DISP1: variants seen among roughly 807,000 people sequenced by gnomAD.
DISP1 encodes the protein dispatched RND transporter family member 1, also known as protein dispatched homolog 1.
A neutral mutation model predicts 37.3 loss-of-function variants in DISP1; 30 were observed. That is an observed-to-expected ratio of 0.80 (90% confidence interval 0.60 to 1.09). DISP1 has a LOEUF of 1.09. Ranked by LOEUF, DISP1 falls within the 50% of genes least tolerant of loss-of-function variation. DISP1 has a pLI of 0.00. For missense variants in DISP1, 1,598 were observed against 1,879.5 expected, an observed-to-expected ratio of 0.85 and a Z score of 2.77; for synonymous variants, 634 against 690.2, an observed-to-expected ratio of 0.92 and a Z score of 1.28.
At chr1:222,984,477 T>G (rs541137873) in intron 4 of DISP1, among the ~76,000 whole-genome samples, 12 of 146,114 alleles carry the variant, frequency 8.2e-5, no homozygotes, top group Non-Finnish European at 1.6e-4. Context: ...ATATATGTTA[T>G]ATATAACATA....
intron 1 of DISP1, among the ~76,000 whole-genome samples, chr1:222,908,338 T>G (rs900431009): frequency 4.3e-5 from 6 of 140,602 alleles, no homozygotes; most frequent in Middle Eastern, 7.0e-3. Flanking sequence ...GGTGACAGAG[T>G]GAGACCCTTA....
At chr1:222,939,142 C>T (rs1341021790) in intron 2 of DISP1, among the ~76,000 whole-genome samples, 3 of 152,062 alleles carry the variant, frequency 2.0e-5, no homozygotes, top group African/African-American at 4.8e-5. Context: ...TCCCAAGTTA[C>T]AAAATAGGTT....
intron 1 of DISP1, among the ~76,000 whole-genome samples, chr1:222,843,922 A>G (rs1274870335): frequency 6.6e-6 from 1 of 152,086 alleles, no homozygotes; most frequent in Non-Finnish European, 1.5e-5. Flanking sequence ...CTGAAGATAT[A>G]GATATATTAT....
intron 1 of DISP1, among the ~76,000 whole-genome samples, chr1:222,868,543 A>G (rs1161970066): frequency 6.6e-6 from 1 of 152,080 alleles, no homozygotes; most frequent in Non-Finnish European, 1.5e-5. Context: ...TTATTGTTGT[A>G]TTATTTAATT....
At chr1:222,939,420 C>T (rs1256543018) in intron 2 of DISP1, among the ~76,000 whole-genome samples, 2 of 115,486 alleles carry the variant, frequency 1.7e-5, no homozygotes, top group Non-Finnish European at 3.3e-5. Context: ...GATAGGAAAA[C>T]ATGAAGATTG....
chr1:222,910,439 A>G (rs1336405158), intron 1 of DISP1, among the ~76,000 whole-genome samples: 2 of 152,188 alleles, frequency 1.3e-5, no homozygotes, highest in African/African-American at 2.4e-5. Context: ...GTATAAGAGT[A>G]TTTACCATTC....
chr1:222,940,660 C>G (rs1241002718), intron 2 of DISP1, among the ~76,000 whole-genome samples: 1 of 152,142 alleles, frequency 6.6e-6, no homozygotes, highest in Non-Finnish European at 1.5e-5. Flanking sequence ...ATTAACCAAC[C>G]TGGGATGGTA....
chr1:222,963,256 T>C (rs1220480379), intron 3 of DISP1, among the ~76,000 whole-genome samples: 1 of 152,152 alleles, frequency 6.6e-6, no homozygotes, highest in East Asian at 1.9e-4. Context: ...TGGAGATTAT[T>C]AAAAAGTCAT....
chr1:222,922,969 G>A (rs78513966), intron 1 of DISP1, among the ~76,000 whole-genome samples: 1 of 152,038 alleles, frequency 6.6e-6, no homozygotes, highest in Non-Finnish European at 1.5e-5. Context: ...AGGACCACTG[G>A]GTTTCATTTT....
intron 1 of DISP1, among the ~76,000 whole-genome samples, chr1:222,873,720 C>G (rs1462342143): frequency 1.3e-5 from 2 of 152,196 alleles, no homozygotes; most frequent in Non-Finnish European, 2.9e-5. Flanking sequence ...GGTCTTGACT[C>G]TTTTCCAATT....
intron 3 of DISP1, among the ~76,000 whole-genome samples, chr1:222,978,825 A>G (rs1283939535): frequency 6.6e-6 from 1 of 152,106 alleles, no homozygotes; most frequent in African/African-American, 2.4e-5. Flanking sequence ...AAGATCAGAT[A>G]GTTGTAGATA....
At chr1:222,852,369 T>A (rs1336116199) in intron 1 of DISP1, among the ~76,000 whole-genome samples, 4 of 152,042 alleles carry the variant, frequency 2.6e-5, no homozygotes, top group Admixed American at 6.6e-5. Context: ...TTTTTTGTTT[T>A]TCGTTTTTTG....
chr1:222,853,073 A>G (rs1026387950), intron 1 of DISP1, among the ~76,000 whole-genome samples: 1 of 152,230 alleles, frequency 6.6e-6, no homozygotes, highest in African/African-American at 2.4e-5. Context: ...TAGAAAAATT[A>G]GTTATTTCAT....
intron 3 of DISP1, chr1:222,979,704 T>C (rs1301838413): frequency 2.1e-6 from 1 of 470,250 alleles, no homozygotes; most frequent in South Asian, 1.6e-5. Context: ...GTAAAGCTGC[T>C]AAGCCCTCAC....
chr1:222,891,282 C>G (rs774788135), intron 1 of DISP1, among the ~76,000 whole-genome samples: 1 of 152,118 alleles, frequency 6.6e-6, no homozygotes. Context: ...GACCTAATGA[C>G]CAGCTGAACA....
chr1:222,860,564 G>C (rs984836176), intron 1 of DISP1, among the ~76,000 whole-genome samples: 2 of 152,074 alleles, frequency 1.3e-5, no homozygotes, highest in African/African-American at 4.8e-5. Flanking sequence ...GCAGTTACGG[G>C]CATGTTAGAG....
chr1:223,005,750 C>T lies in DISP1; in HGVS notation c.4353C>T (p.Asn1451=). 1 of 1,614,106 alleles carries T rather than the reference C, an allele frequency of 6.2e-7. No homozygotes were observed. Among genetic ancestry groups the T allele is most frequent in the Non-Finnish European group, 8.5e-7 (1 of 1,180,026 alleles). Residue 1451 remains asparagine (N), a synonymous_variant, in exon 9 of 9, where the codon AAC becomes AAT. Coordinates refer to ENST00000675850, the MANE Select transcript of DISP1 (RefSeq NM_001377229.1). ...LSLSQTDASV[N]SEHFNQNEPK... ...TGTCACAGACGGATGCAAGTGTGAA[C>T]TCAGAACATTTCAATCAGAATGAAC...
At position 222,985,405 on chromosome 1, in the gene DISP1, A is replaced by G. The variant is rs941733425; in HGVS notation, c.539+2296A>G. Among the ~76,000 whole-genome samples, 4 of 152,238 alleles carry G rather than the reference A, an allele frequency of 2.6e-5. 1 individual carries two copies. Among genetic ancestry groups the G allele is most frequent in the Admixed American group, 2.6e-4 (4 of 15,284 alleles). ...AGTGGCTCACGCCTATAATCCCAGC[A>G]CTGTGGGAGGCCGAGGCGGGCAGAT... On this transcript the variant is annotated intron_variant, in intron 4 of 8. Coordinates refer to ENST00000675850, the MANE Select transcript of DISP1 (RefSeq NM_001377229.1).
At chr1:222,848,902 T>C (rs905575768) in intron 1 of DISP1, among the ~76,000 whole-genome samples, 2 of 152,184 alleles carry the variant, frequency 1.3e-5, no homozygotes, top group Non-Finnish European at 2.9e-5. Context: ...AAATAGTATT[T>C]CTATGCTGAC....
Sources: allele counts gnomAD v4.1 joint callset (sites outside exome capture counted in the v4.1 genomes callset), GRCh38; gene constraint gnomAD v4.1.1; transcripts MANE v1.5; gene names NCBI Gene and HGNC (gene_info 2026-07-23, HGNC 2026-07-21).